DMXL1: variants seen among roughly 807,000 people sequenced by gnomAD.
The protein encoded by DMXL1 is dmX-like protein 1.
DMXL1 carries 99 observed loss-of-function variants against 319.2 expected under a neutral mutation model. The observed-to-expected ratio is 0.31, with a 90% CI of 0.26 to 0.37. The LOEUF (loss-of-function observed/expected upper bound fraction) is 0.37. DMXL1 is among the 10% of genes least tolerant of loss of function. The pLI is 1.00. For missense variants in DMXL1, 3,745 were observed against 3,595.6 expected (o/e 1.04, Z -1.06); for synonymous variants, 1,385 against 1,235.2 (o/e 1.12, Z -2.54).
intron 13 of DMXL1, among the ~76,000 whole-genome samples, chr5:119,140,474 C>T (rs896148981): frequency 6.6e-6 from 1 of 152,102 alleles, no homozygotes; most frequent in Non-Finnish European, 1.5e-5. Context: ...GAAACTACTA[C>T]GAACACCTCT....
intron 1 of DMXL1, among the ~76,000 whole-genome samples, chr5:119,076,281 A>T (rs1004038524): frequency 6.6e-5 from 10 of 152,204 alleles, no homozygotes; most frequent in African/African-American, 2.4e-4. Context: ...GGGCTGAATA[A>T]GTAGTCGTCT....
intron 28 of DMXL1, chr5:119,178,642 C>T (rs1776263510): frequency 6.1e-6 from 6 of 985,356 alleles, no homozygotes; most frequent in African/African-American, 1.7e-5. Flanking sequence ...TGGGCTTTTC[C>T]AAAGCTCTTT....
At chr5:119,209,279 C>T (rs1315234514) in intron 34 of DMXL1, among the ~76,000 whole-genome samples, 23 of 151,302 alleles carry the variant, frequency 1.5e-4, no homozygotes, top group Admixed American at 1.5e-3. Context: ...TGAAACTATT[C>T]AAATATTTTC....
chr5:119,224,732 T>G lies in DMXL1; in HGVS notation c.8301T>G (p.Asn2767Lys), dbSNP rs778039388. 6.8e-6 allele frequency: 9 copies of G among 1,330,252 alleles called. No individual in the cohort carries two copies. Among genetic ancestry groups the G allele is most frequent in the Non-Finnish European group, 9.0e-6 (9 of 996,198 alleles). 82.4% of individuals were successfully genotyped at this position (1,330,252 alleles called of 1,614,324 possible). A position where few individuals can be genotyped will look rare whatever the true frequency, so the allele number is the denominator to read the frequency against. Reference sequence around the variant, plus strand: ...AGATGATTAAGAAAGCCATTAATAATGTTAGAAGAATGACTTCTCATCCAA... The same window carrying G: ...AGATGATTAAGAAAGCCATTAATAAGGTTAGAAGAATGACTTCTCATCCAA... ...ASVMIKKAIN[N>K]VRRMTSHPTL... The change falls in exon 38 of 44, where the codon AAT (asparagine) becomes AAG (lysine). Residue 2767 changes from asparagine to lysine, a missense_variant. Physicochemically the swap from Asn to Lys is moderately conservative, Grantham distance 94 (BLOSUM62 0). Transcript: ENST00000539542.
At chr5:119,152,863 T>C (rs1172578612) in intron 19 of DMXL1, among the ~76,000 whole-genome samples, 1 of 152,234 alleles carries the variant, frequency 6.6e-6, no homozygotes, top group Non-Finnish European at 1.5e-5. Flanking sequence ...CTCAGTCTCT[T>C]GCTCGTACCT....
chr5:119,116,670 T>G (rs1760914362), intron 7 of DMXL1, among the ~76,000 whole-genome samples: 1 of 152,224 alleles, frequency 6.6e-6, no homozygotes, highest in Non-Finnish European at 1.5e-5. Context: ...TGTTTATATT[T>G]TTACATAAAT....
chr5:119,169,258 T>C (rs1036164637), intron 23 of DMXL1, among the ~76,000 whole-genome samples: 2 of 152,236 alleles, frequency 1.3e-5, no homozygotes, highest in Admixed American at 1.3e-4. Flanking sequence ...TTACATACTT[T>C]TATTATGAAT....
chr5:119,119,300 A>G (rs1023635626), intron 8 of DMXL1, among the ~76,000 whole-genome samples: 17 of 152,158 alleles, frequency 1.1e-4, no homozygotes, highest in African/African-American at 3.1e-4. Context: ...TTAACTCTGA[A>G]AATAACTTAT....
intron 40 of DMXL1, 96 bp downstream of exon 40, chr5:119,237,510 A>G: frequency 2.7e-6 from 2 of 731,560 alleles, no homozygotes; most frequent in South Asian, 1.8e-5. Flanking sequence ...GAACTAATAA[A>G]TAAAATATAG....
At chr5:119,142,255 A>G (rs1452005992) in intron 13 of DMXL1, among the ~76,000 whole-genome samples, 1 of 151,744 alleles carries the variant, frequency 6.6e-6, no homozygotes, top group Non-Finnish European at 1.5e-5. Context: ...GTAAATAGAC[A>G]ACCTACAGAA....
intron 3 of DMXL1, chr5:119,104,129 A>G (rs538244715): frequency 6.6e-6 from 1 of 152,306 alleles, no homozygotes; most frequent in South Asian, 2.1e-4. Flanking sequence ...ATTATGGAGT[A>G]TTCTTGTGAG....
At chr5:119,153,891 A>G (rs1019132761) in intron 19 of DMXL1, among the ~76,000 whole-genome samples, 2 of 152,170 alleles carry the variant, frequency 1.3e-5, no homozygotes, top group African/African-American at 4.8e-5. Context: ...GTCTTTCAGC[A>G]CCGTTTTTCC....
intron 5 of DMXL1, among the ~76,000 whole-genome samples, chr5:119,112,805 A>C (rs1423387009): frequency 6.6e-6 from 1 of 152,100 alleles, no homozygotes; most frequent in Non-Finnish European, 1.5e-5. Context: ...AAAAATACAA[A>C]AATTAGCCAG....
At chr5:119,099,417 G>A (rs898301463) in intron 2 of DMXL1, among the ~76,000 whole-genome samples, 1 of 151,948 alleles carries the variant, frequency 6.6e-6, no homozygotes, top group African/African-American at 2.4e-5. Context: ...CATCATGTTG[G>A]TAAGTCTGGT....
intron 3 of DMXL1, 92 bp from the exon 4 acceptor site, chr5:119,105,088 G>C: frequency 1.3e-6 from 1 of 795,042 alleles, no homozygotes; most frequent in Non-Finnish European, 2.2e-6. Flanking sequence ...TTGACTGCCT[G>C]TGTTATTGTA....
intron 34 of DMXL1, among the ~76,000 whole-genome samples, chr5:119,207,581 C>T (rs971695826): frequency 1.1e-4 from 16 of 152,154 alleles, no homozygotes; most frequent in African/African-American, 3.9e-4. Context: ...TGAAGTGTCA[C>T]AGTCTTGGTT....
intron 1 of DMXL1, among the ~76,000 whole-genome samples, chr5:119,095,204 G>T (rs1025009130): frequency 6.6e-6 from 1 of 152,184 alleles, no homozygotes; most frequent in African/African-American, 2.4e-5. Context: ...TACGGAGACA[G>T]CTTTGTTAAC....
At chr5:119,233,564 G>C (rs1161098683) in intron 39 of DMXL1, 97 bp downstream of exon 39, 10 of 930,220 alleles carry the variant, frequency 1.1e-5, no homozygotes, top group Non-Finnish European at 1.6e-6. Context: ...TCCGTGGGTA[G>C]TAGTAAAGTA....
intron 35 of DMXL1, 137 bp downstream of exon 35, chr5:119,217,124 AT>A (rs1312940492): frequency 2.0e-6 from 1 of 501,286 alleles, no homozygotes; most frequent in Non-Finnish European, 3.5e-6. Context: ...TACTTTTTTA[AT>A]TTTATAAAAT....
Sources: allele counts gnomAD v4.1 joint callset (sites outside exome capture counted in the v4.1 genomes callset), GRCh38; gene constraint gnomAD v4.1.1; transcripts MANE v1.5; gene names NCBI Gene and HGNC (gene_info 2026-07-23, HGNC 2026-07-21).